LAMA1: variants seen among roughly 807,000 people sequenced by gnomAD.
The protein encoded by LAMA1 is laminin subunit alpha-1.
A neutral mutation model predicts 348.7 loss-of-function variants in LAMA1; 219 were observed. The observed-to-expected ratio is 0.63, with a 90% CI of 0.56 to 0.70. The LOEUF (loss-of-function observed/expected upper bound fraction) is 0.70. Ranked by LOEUF, LAMA1 falls within the 30% of genes least tolerant of loss-of-function variation. The pLI is 0.00. For missense variants in LAMA1, 3,744 were observed against 3,888.0 expected (o/e 0.96, Z 0.99); for synonymous variants, 1,487 against 1,491.0 (o/e 1.00, Z 0.06).
chr18:6,971,219 T>C (rs1442451667), intron 48 of LAMA1, among the ~76,000 whole-genome samples: 1 of 152,024 alleles, frequency 6.6e-6, no homozygotes, highest in Non-Finnish European at 1.5e-5. Context: ...AAATAATGGG[T>C]TGGGGGGGAA....
chr18:6,965,428 T>C lies in LAMA1; in HGVS notation c.7055A>G (p.Asp2352Gly), dbSNP rs749691156. 1.9e-6 allele frequency: 3 copies of C among 1,614,036 alleles called. No individual in the cohort carries two copies. In the East Asian group the frequency reaches 6.7e-5, roughly 36 times the overall value. ...LLYLGSYGTK[D>G]FLSIELFRGR... ...ACGAAACAGCTCGATGGATAAAAAG[T>C]CTTTCTGTAAAAAAGAGAACACAGT... is the stretch of plus-strand genomic sequence containing the variant. Residue 2352 changes from aspartate to glycine, a missense_variant, in exon 50 of 63, where the codon GAC (aspartate) becomes GGC (glycine). Asp to Gly is a moderately conservative substitution (Grantham distance 94). Around this residue, in one of 3 missense-constraint regions of LAMA1, gnomAD observed 1,983 missense variants for 1,934.3 expected, o/e 1.03. Transcript: ENST00000389658.
At chr18:7,017,574 T>C (rs625222) in intron 19 of LAMA1, among the ~76,000 whole-genome samples, 190 bp from the exon 20 acceptor site, 1 of 152,202 alleles carries the variant, frequency 6.6e-6, no homozygotes, top group Non-Finnish European at 1.5e-5. Context: ...ACAGGGTTAG[T>C]GGAAGGATCC....
rs2057836187 is a variant in LAMA1 at position 7,007,206 on chromosome 18, G to T, written c.4193C>A (p.Ala1398Asp). The T allele has an allele frequency of 6.2e-7, 1 of 1,614,034 alleles. No individual in the cohort carries two copies. The change falls in exon 29 of 63, where the codon GCT (alanine) becomes GAT (aspartate). Residue 1398 changes from alanine (A) to aspartate (D), a missense_variant. Coordinates refer to ENST00000389658, the MANE Select transcript of LAMA1 (RefSeq NM_005559.4). ...GSDRGPRPLV[A>D]PCVPCSCNNH... Reference sequence around the variant, plus strand: ...GTTGCAACTGCAGGGAACACAAGGAGCAACCAGAGGGCGTGGTCCCCTGTC... The same window carrying T: ...GTTGCAACTGCAGGGAACACAAGGATCAACCAGAGGGCGTGGTCCCCTGTC...
chr18:7,093,270 G>C (rs2143804855), intron 1 of LAMA1, among the ~76,000 whole-genome samples: 1 of 152,204 alleles, frequency 6.6e-6, no homozygotes, highest in Admixed American at 6.5e-5. Context: ...TAAAAAATTA[G>C]CCGGGCGGGG....
At chr18:7,080,806 T>C (rs559776403) in intron 1 of LAMA1, among the ~76,000 whole-genome samples, 4 of 152,130 alleles carry the variant, frequency 2.6e-5, no homozygotes, top group Non-Finnish European at 5.9e-5. Flanking sequence ...CTAAGTAAGA[T>C]TTGGGTAGAT....
intron 1 of LAMA1, among the ~76,000 whole-genome samples, chr18:7,094,539 C>T (rs1183332175): frequency 6.6e-6 from 1 of 151,868 alleles, no homozygotes; most frequent in Middle Eastern, 3.2e-3. Context: ...CATCAGACTG[C>T]TTCATAAGCT....
chr18:7,009,532 C>T lies in LAMA1; in HGVS notation c.3874-166G>A, dbSNP rs111366276. ...ACCTCCTGAAACCTCCATGGACAGG[C>T]GCAGTGTCAGTTCCATTATCAATAG... On this transcript the variant is annotated intron_variant, in intron 26 of 62. Coordinates refer to ENST00000389658, the MANE Select transcript of LAMA1 (RefSeq NM_005559.4). Among the ~76,000 whole-genome samples, 283 of 152,212 alleles carry T rather than the reference C, an allele frequency of 1.9e-3. 1 individual carries two copies. Among genetic ancestry groups the T allele is most frequent in the Middle Eastern group, 6.8e-3 (2 of 294 alleles).
chr18:7,051,088 A>C (rs1425386465), intron 3 of LAMA1, 152 bp from the exon 4 acceptor site: 2 of 945,470 alleles, frequency 2.1e-6, no homozygotes, highest in Non-Finnish European at 3.3e-6. Flanking sequence ...AGGTGCGAGG[A>C]GAGGGGAATA....
chr18:7,022,123 C>T (rs914338143), intron 19 of LAMA1, among the ~76,000 whole-genome samples: 1 of 151,890 alleles, frequency 6.6e-6, no homozygotes, highest in Admixed American at 6.6e-5. Context: ...GGTATGTTTT[C>T]CCCCCATACC....
chr18:7,040,554 TG>T (rs1439765095), intron 9 of LAMA1, among the ~76,000 whole-genome samples: 6 of 152,194 alleles, frequency 3.9e-5, no homozygotes, highest in Admixed American at 3.9e-4. Context: ...TGGAGGGAGC[TG>T]GGAATATAAA....
At chr18:7,019,361 G>C (rs1052180400) in intron 19 of LAMA1, among the ~76,000 whole-genome samples, 2 of 151,822 alleles carry the variant, frequency 1.3e-5, no homozygotes, top group African/African-American at 4.8e-5. Context: ...CTTGTTTCTC[G>C]TGTGTCTCCC....
At chr18:7,003,188 A>G (rs2057815731) in intron 29 of LAMA1, among the ~76,000 whole-genome samples, 1 of 151,410 alleles carries the variant, frequency 6.6e-6, no homozygotes, top group Non-Finnish European at 1.5e-5. Context: ...TGGCATTTCC[A>G]GTTAAATTTT....
chr18:6,965,807 A>C, intron 49 of LAMA1: 1 of 406,716 alleles, frequency 2.5e-6, no homozygotes, highest in Non-Finnish European at 4.5e-6. Flanking sequence ...GATGGAATTC[A>C]AACAATGTCA....
chr18:7,078,507 G>C (rs1202894183), intron 3 of LAMA1, among the ~76,000 whole-genome samples: 1 of 152,070 alleles, frequency 6.6e-6, no homozygotes, highest in Non-Finnish European at 1.5e-5. Context: ...ATATTAAGGA[G>C]TGTCACATTA....
At chr18:7,065,524 C>T (rs1268166532) in intron 3 of LAMA1, among the ~76,000 whole-genome samples, 7 of 152,108 alleles carry the variant, frequency 4.6e-5, no homozygotes, top group Admixed American at 1.3e-4. Context: ...GCCAGGAGTT[C>T]GAGACCAGCC....
At chr18:7,106,106 C>A (rs1036664737) in intron 1 of LAMA1, among the ~76,000 whole-genome samples, 1 of 152,148 alleles carries the variant, frequency 6.6e-6, no homozygotes, top group Non-Finnish European at 1.5e-5. Context: ...GTGGGAATAT[C>A]AGAAAATAGA....
chr18:7,000,452 A>C (rs951316887), intron 30 of LAMA1, among the ~76,000 whole-genome samples: 1 of 152,258 alleles, frequency 6.6e-6, no homozygotes, highest in African/African-American at 2.4e-5. Context: ...GCGAGGAAGG[A>C]AAGCCAGGGA....
At chr18:7,026,244 G>C in intron 16 of LAMA1, 138 bp from the exon 17 acceptor site, 2 of 952,614 alleles carry the variant, frequency 2.1e-6, no homozygotes. Flanking sequence ...GCTATATGAG[G>C]AAGGCCTCCT....
At chr18:7,006,998 G>A (rs2057835080) in intron 29 of LAMA1, 141 bp downstream of exon 29, 5 of 1,284,096 alleles carry the variant, frequency 3.9e-6, no homozygotes, top group African/African-American at 3.0e-5. Context: ...CCGTCCTCAA[G>A]GAAATAGGTT....
Sources: allele counts gnomAD v4.1 joint callset (sites outside exome capture counted in the v4.1 genomes callset), GRCh38; gene constraint gnomAD v4.1.1; regional missense constraint gnomAD v4.1.1; transcripts MANE v1.5; gene names NCBI Gene and HGNC (gene_info 2026-07-23, HGNC 2026-07-21).